ADGRV1: variants seen among roughly 807,000 people sequenced by gnomAD.
ADGRV1 encodes adhesion G protein-coupled receptor V1, also known as G-protein coupled receptor 98.
Under a neutral mutation model 596.2 loss-of-function variants are expected in ADGRV1, and 359 were observed. That is an observed-to-expected ratio of 0.60 (90% CI 0.55 to 0.66). The LOEUF is 0.66. ADGRV1 is among the 30% of genes least tolerant of loss of function. The pLI is 0.00. For missense variants in ADGRV1, 7,274 were observed against 7,575.6 expected, an observed-to-expected ratio of 0.96 and a Z score of 1.48; for synonymous variants, 2,681 against 2,679.2, an observed-to-expected ratio of 1.00 and a Z score of -0.02.
At chr5:91,116,014 G>C (rs372038536) in intron 87 of ADGRV1, among the ~76,000 whole-genome samples, 2 of 152,026 alleles carry the variant, frequency 1.3e-5, no homozygotes, top group East Asian at 3.9e-4. Context: ...AGGTACTTGC[G>C]CCAAATGGAT....
At chr5:90,664,859 C>G (rs926234227) in intron 21 of ADGRV1, among the ~76,000 whole-genome samples, 3 of 149,590 alleles carry the variant, frequency 2.0e-5, no homozygotes, top group African/African-American at 7.5e-5. Context: ...TTTTCTGTAT[C>G]TATTGAGATA....
intron 43 of ADGRV1, chr5:90,716,956 A>C (rs1270173365): frequency 5.9e-6 from 2 of 337,094 alleles, no homozygotes; most frequent in Non-Finnish European, 1.1e-5. Flanking sequence ...GAATATGCAA[A>C]TAATAAAGAA....
chr5:90,576,296 A>G (rs1420222528), intron 1 of ADGRV1, among the ~76,000 whole-genome samples: 2 of 139,590 alleles, frequency 1.4e-5, no homozygotes, highest in Non-Finnish European at 3.0e-5. Flanking sequence ...CCAGTGTGTG[A>G]TGTTCCCCGC....
chr5:91,040,331 C>A (rs1562128198), intron 85 of ADGRV1, among the ~76,000 whole-genome samples: 1 of 152,118 alleles, frequency 6.6e-6, no homozygotes, highest in East Asian at 1.9e-4. Context: ...AAATAGAGTT[C>A]CTTCTCATAT....
intron 85 of ADGRV1, among the ~76,000 whole-genome samples, chr5:90,996,746 G>A (rs2151091996): frequency 6.6e-6 from 1 of 152,342 alleles, no homozygotes; most frequent in Middle Eastern, 3.4e-3. Context: ...CAGCTGTGGA[G>A]GCTGTACCCT....
intron 42 of ADGRV1, among the ~76,000 whole-genome samples, chr5:90,715,537 G>T (rs181016035): frequency 6.6e-6 from 1 of 152,168 alleles, no homozygotes; most frequent in South Asian, 2.1e-4. Flanking sequence ...GGGAGGTGCT[G>T]ACAGTGTCTG....
chr5:90,704,484 A>G lies in ADGRV1; in HGVS notation c.8382A>G (p.Thr2794=), dbSNP rs372902694. ...VYQVILYDVR[T]QGVPPAGIAL... is the part of the protein sequence containing the mutation. ...AAGTCATTCTGTATGATGTCAGGAC[A>G]CAAGGTAATTCAGAATTTAATTTTA... Residue 2794 remains threonine, a synonymous_variant, in exon 36 of 90, where the codon ACA becomes ACG. Transcript: ENST00000405460. 6.5e-7 allele frequency: 1 copy of G among 1,528,252 alleles called. No individual in the cohort carries two copies. Among genetic ancestry groups the G allele is most frequent in the East Asian group, 2.4e-5 (1 of 42,442 alleles). The allele number at this position is 1,528,252 out of a possible 1,614,324, so 94.7% of individuals were successfully genotyped here.
chr5:90,579,356 G>A (rs1485949556), intron 1 of ADGRV1, among the ~76,000 whole-genome samples: 2 of 152,036 alleles, frequency 1.3e-5, no homozygotes, highest in East Asian at 1.9e-4. Context: ...CCTTCATTTT[G>A]TTATTTACCC....
chr5:90,985,237 G>A, intron 84 of ADGRV1, 107 bp from the exon 85 acceptor site: 1 of 597,966 alleles, frequency 1.7e-6, no homozygotes, highest in Non-Finnish European at 2.7e-6. Context: ...TAATTATTAA[G>A]TAGATCCTGG....
At chr5:91,059,154 C>G (rs1787175992) in intron 85 of ADGRV1, among the ~76,000 whole-genome samples, 1 of 152,176 alleles carries the variant, frequency 6.6e-6, no homozygotes, top group East Asian at 1.9e-4. Context: ...CTACGGCATG[C>G]CAGCCTCTGA....
chr5:91,145,748 A>T (rs1270890706), intron 87 of ADGRV1, among the ~76,000 whole-genome samples: 1 of 152,208 alleles, frequency 6.6e-6, no homozygotes, highest in African/African-American at 2.4e-5. Flanking sequence ...TAAACCACTG[A>T]TTTTAAAACA....
At position 90,720,264 on chromosome 5, in the gene ADGRV1, T is replaced by C. The variant is rs555353299; in HGVS notation, c.9623+41T>C. The stretch of plus-strand genomic sequence containing the variant: ...AAGGAAATTATCACTTCTGAAGCTA[T>C]AAGTAGGGAATATTTTTTGACATAA... On this transcript the variant is annotated intron_variant, in intron 44 of 89. Transcript: ENST00000405460. 189 of 1,226,302 alleles carry C rather than the reference T, an allele frequency of 1.5e-4. 2 individuals carry two copies. Among genetic ancestry groups the C allele is most frequent in the South Asian group, 1.4e-3 (76 of 54,076 alleles). The allele number at this position is 1,226,302 out of a possible 1,614,324, so 76.0% of individuals were successfully genotyped here.
Position 90,721,059 on chromosome 5 carries a change from A to G in ADGRV1, c.9748A>G (p.Arg3250Gly). The change falls in exon 45 of 90, where the codon AGG becomes GGG. Residue 3250 changes from arginine (R) to glycine (G), a missense_variant and splice_region_variant. This residue lies in a region of ADGRV1 where 3,643 missense variants were observed against 3,809.2 expected (regional missense o/e 0.96). Coordinates refer to ENST00000405460, the MANE Select transcript of ADGRV1 (RefSeq NM_032119.4). Reference sequence around the variant, plus strand: ...AGTATCTGAAACAGCCTTTGGCATGAGTATGTTTCATTTCTTATGAGAACA... The same window carrying G: ...AGTATCTGAAACAGCCTTTGGCATGGGTATGTTTCATTTCTTATGAGAACA... Reference protein sequence around the residue: ...ETVSETAFGMRGMDVVFSVFQ... With the variant: ...ETVSETAFGMGGMDVVFSVFQ... 5 of 1,609,302 alleles carry G rather than the reference A, an allele frequency of 3.1e-6. No homozygotes were observed. Among genetic ancestry groups the G allele is most frequent in the Non-Finnish European group, 4.2e-6 (5 of 1,177,570 alleles).
chr5:90,823,243 T>C lies in ADGRV1; in HGVS notation c.16197-182T>C, dbSNP rs971684791. On this transcript the variant is annotated intron_variant, in intron 75 of 89. Coordinates refer to ENST00000405460, the MANE Select transcript of ADGRV1 (RefSeq NM_032119.4). ...TAAGCCCTGAGGCTTAATCCTCTTA[T>C]CTGTAGTGAGGAAAATTGGTCATTT... is the stretch of plus-strand genomic sequence containing the variant. 2.6e-5 allele frequency among the ~76,000 whole-genome samples: 4 copies of C among 152,358 alleles called. No homozygotes were observed. In the East Asian group the frequency reaches 5.8e-4, roughly 22 times the overall value.
rs77464154 is a variant in ADGRV1, at chr5:91,025,847, A to G, written c.18152+40325A>G. On this transcript the variant is annotated intron_variant, in intron 85 of 89. Transcript: ENST00000405460. The stretch of plus-strand genomic sequence containing the variant: ...CAGAAACTATGAATATACTGTTAAG[A>G]ATAAGCTTGGCAGGTGAGCTTCAAC... Among the ~76,000 whole-genome samples, 931 of 152,310 alleles carry G rather than the reference A, an allele frequency of 6.1e-3. 32 individuals carry two copies. The East Asian group carries it at 0.093, about 15-fold the overall frequency.
chr5:90,831,035 A>C (rs185379823), intron 77 of ADGRV1, among the ~76,000 whole-genome samples: 1 of 152,098 alleles, frequency 6.6e-6, no homozygotes, highest in African/African-American at 2.4e-5. Flanking sequence ...CTGGGTCTTA[A>C]GCCTGCTGGC....
intron 83 of ADGRV1, among the ~76,000 whole-genome samples, chr5:90,930,273 T>C (rs1732587414): frequency 6.6e-6 from 1 of 152,200 alleles, no homozygotes. Context: ...AGTCCTGGTC[T>C]AACAAAATGA....
intron 85 of ADGRV1, among the ~76,000 whole-genome samples, chr5:91,044,450 C>T (rs1785622296): frequency 6.6e-6 from 1 of 152,130 alleles, no homozygotes; most frequent in Non-Finnish European, 1.5e-5. Flanking sequence ...GTAGTAATCA[C>T]TTGTGTGCAT....
chr5:91,027,154 C>CACACACAA (rs1471584170), intron 85 of ADGRV1, among the ~76,000 whole-genome samples: 2 of 142,310 alleles, frequency 1.4e-5, no homozygotes, highest in African/African-American at 5.6e-5. Context: ...AACACACACA[C>CACACACAA]ACACACACAC....
Sources: gnomAD v4.1 joint callset for allele counts (sites outside exome capture counted in the v4.1 genomes callset) on GRCh38, gnomAD v4.1.1 for gene constraint, gnomAD v4.1.1 regional missense constraint, MANE v1.5 for transcripts, NCBI Gene and HGNC (gene_info 2026-07-23, HGNC 2026-07-21) for gene names.